Variants in XYLB observed in about 807,000 individuals in gnomAD.
XYLB encodes xylulose kinase.
In XYLB, 62 loss-of-function variants were observed where a neutral mutation model predicts 78.7. The observed-to-expected ratio is 0.79, with a 90% CI of 0.64 to 0.97. The LOEUF (loss-of-function observed/expected upper bound fraction) is 0.97, where lower values mean the gene tolerates loss of function less well. Among genes scored for constraint, XYLB ranks in the 50% least tolerant of loss-of-function variants. The pLI is 0.00. For synonymous variants in XYLB, 245 were observed against 247.4 expected (o/e 0.99, Z 0.09); for missense variants, 687 against 676.8 (o/e 1.02, Z -0.17).
the XYLB span, among the ~76,000 whole-genome samples, chr3:38,442,724 T>TA: frequency 6.0e-5 from 9 of 148,960 alleles, no homozygotes; most frequent in African/African-American, 2.2e-4. Flanking sequence ...TGCTGCATTT[T>TA]TTTTTTTTTT....
intron 2 of XYLB, chr3:38,356,452 C>T (rs1325162842): frequency 6.6e-6 from 1 of 152,120 alleles, no homozygotes; most frequent in East Asian, 1.9e-4. Context: ...CTGTATAGTC[C>T]CCCTCCTGCC....
In XYLB at chr3:38,379,977, G is replaced by T. The variant is rs144229455; in HGVS notation, c.1291+635G>T. Among the ~76,000 whole-genome samples the T allele has an allele frequency of 4.6e-5, 7 of 152,332 alleles. No individual in the cohort carries two copies. In the East Asian group the frequency reaches 1.3e-3, roughly 29 times the overall value. ...GGCCTGCTTGCTAGTAGGGCTCTCT[G>T]CAGAGTCCTGAGGAGGTAGAGGGCA... On this transcript the variant is annotated intron_variant, in intron 15 of 18. Transcript: ENST00000207870.
chr3:38,376,899 C>T lies in XYLB; in HGVS notation c.1121-19C>T. Reference sequence around the variant, plus strand: ...TTTTTTGACTAATGACGGCTGATCTCTTCCTGGTTTTATTTCAGGTTTTTA... The same window carrying T: ...TTTTTTGACTAATGACGGCTGATCTTTTCCTGGTTTTATTTCAGGTTTTTA... On this transcript the variant is annotated intron_variant, in intron 13 of 18. Transcript: ENST00000207870. 1 of 1,608,532 alleles carries T rather than the reference C, an allele frequency of 6.2e-7. No individual in the cohort carries two copies. Among genetic ancestry groups the T allele is most frequent in the South Asian group, 1.1e-5 (1 of 90,834 alleles).
the XYLB span, among the ~76,000 whole-genome samples, chr3:38,431,458 G>A: frequency 3.3e-5 from 5 of 152,186 alleles, no homozygotes; most frequent in African/African-American, 7.2e-5. Flanking sequence ...GGGCTGAGAC[G>A]ATGGGGTTTT....
intron 3 of XYLB, among the ~76,000 whole-genome samples, chr3:38,361,852 T>TTCTTTCCCAGCAAA: frequency 1.3e-5 from 2 of 152,300 alleles, no homozygotes; most frequent in East Asian, 3.9e-4. Context: ...CAGCAAAGGC[T>TTCTTTCCCAGCAAA]GGGGGTGGTG....
intron 15 of XYLB, among the ~76,000 whole-genome samples, chr3:38,392,086 G>C (rs1228429462): frequency 6.6e-6 from 1 of 152,158 alleles, no homozygotes; most frequent in African/African-American, 2.4e-5. Context: ...TGCTTCTGCT[G>C]CTGAGTGTAA....
At chr3:38,437,528 A>G in the XYLB span, among the ~76,000 whole-genome samples, 1 of 152,216 alleles carries the variant, frequency 6.6e-6, no homozygotes. Context: ...TAAAGACTCT[A>G]CTAAAAAACT....
At position 38,413,347 on chromosome 3, in the gene XYLB, G is replaced by T. The variant is rs936446923; in HGVS notation, c.*334G>T. The T allele has an allele frequency of 8.6e-6, 2 of 231,704 alleles. No homozygotes were observed. Among genetic ancestry groups the T allele is most frequent in the African/African-American group, 4.5e-5 (2 of 44,054 alleles). 14.4% of individuals were successfully genotyped at this position (231,704 alleles called of 1,614,324 possible). ...AGAGGCAGAATTAAAGCTAATCTAG[G>T]GACTCAAATCAGCAGAATGGGGGAG... is the stretch of plus-strand genomic sequence containing the variant. On this transcript the variant is annotated 3_prime_UTR_variant, in exon 19 of 19. Coordinates refer to ENST00000207870, the MANE Select transcript of XYLB (RefSeq NM_005108.4).
In XYLB at chr3:38,367,977, A is replaced by G. The variant is rs1046606652; in HGVS notation, c.574-208A>G. Among the ~76,000 whole-genome samples, 10 of 152,326 alleles carry G rather than the reference A, an allele frequency of 6.6e-5. 1 individual carries two copies. The South Asian group carries it at 1.2e-3, about 19-fold the overall frequency. On this transcript the variant is annotated intron_variant, in intron 7 of 18. Transcript: ENST00000207870. ...AGTTTTATGGCCCATCAGAAACTGT[A>G]GAGAATGAATGCTCTCCCGAGGAGT...
At chr3:38,409,690 C>CT (rs1708491916) in intron 18 of XYLB, among the ~76,000 whole-genome samples, 1 of 152,202 alleles carries the variant, frequency 6.6e-6, no homozygotes, top group Non-Finnish European at 1.5e-5. Flanking sequence ...TCAGCAAAGT[C>CT]TCAGGATACA....
Position 38,380,512 on chromosome 3 carries a change from A to G in XYLB, c.1291+1170A>G, listed in dbSNP as rs145582954. On this transcript the variant is annotated intron_variant, in intron 15 of 18. Transcript: ENST00000207870. ...AGCTGCTTTGCTTGAGGGCCTTCCT[A>G]TGATACTCTATGGACAATCCAAGTT... Among the ~76,000 whole-genome samples, 310 of 152,308 alleles carry G rather than the reference A, an allele frequency of 2.0e-3. 1 individual carries two copies. Among genetic ancestry groups the G allele is most frequent in the African/African-American group, 6.9e-3 (288 of 41,572 alleles).
the XYLB span, among the ~76,000 whole-genome samples, chr3:38,444,381 C>T: frequency 6.6e-6 from 1 of 151,994 alleles, no homozygotes; most frequent in Non-Finnish European, 1.5e-5. Flanking sequence ...TTAGAGGAGG[C>T]TTATCATTAA....
intron 14 of XYLB, among the ~76,000 whole-genome samples, chr3:38,378,847 T>G (rs1194748617): frequency 1.3e-5 from 2 of 148,872 alleles, no homozygotes; most frequent in African/African-American, 5.0e-5. Flanking sequence ...TTTTCCAGGC[T>G]CTGTTGTCTA....
intron 8 of XYLB, 120 bp downstream of exon 8, chr3:38,368,377 G>A: frequency 1.2e-6 from 1 of 862,978 alleles, no homozygotes; most frequent in Admixed American, 2.0e-5. Flanking sequence ...GTCATCTGTT[G>A]CCAGGAAGGA....
At chr3:38,428,893 C>T in the XYLB span, among the ~76,000 whole-genome samples, 1 of 152,104 alleles carries the variant, frequency 6.6e-6, no homozygotes. Context: ...ATCTCCACTC[C>T]ATATATTGGT....
chr3:38,379,220 CT>C, intron 14 of XYLB, 25 bp from the exon 15 acceptor site: 1 of 1,611,708 alleles, frequency 6.2e-7, no homozygotes. Flanking sequence ...GTTCCTTACT[CT>C]GTGCCCACCT....
intron 2 of XYLB, 144 bp downstream of exon 2, chr3:38,348,776 T>A: frequency 1.5e-6 from 1 of 674,136 alleles, no homozygotes; most frequent in Non-Finnish European, 2.6e-6. Context: ...GCATCTTTTT[T>A]TCCTATACCT....
At chr3:38,412,876 C>A in intron 18 of XYLB, 60 bp from the exon 19 acceptor site, 3 of 1,442,808 alleles carry the variant, frequency 2.1e-6, no homozygotes, top group Non-Finnish European at 2.8e-6. Context: ...TTGCAAAGTG[C>A]AACCAGATGT....
chr3:38,442,684 C>G, the XYLB span, among the ~76,000 whole-genome samples: 68,381 of 146,872 alleles, frequency 0.47, 16,956 homozygotes, highest in Non-Finnish European at 0.57. Flanking sequence ...TTCTGTTTTT[C>G]TACTCCTAGA....
Sources: allele counts gnomAD v4.1 joint callset (sites outside exome capture counted in the v4.1 genomes callset), GRCh38; gene constraint gnomAD v4.1.1; transcripts MANE v1.5; gene names NCBI Gene and HGNC (gene_info 2026-07-23, HGNC 2026-07-21).